GLMN: variants seen among roughly 807,000 people sequenced by gnomAD.
GLMN encodes glomulin, FKBP associated protein.
GLMN carries 75 observed loss-of-function variants against 87.8 expected under a neutral mutation model. The observed-to-expected ratio is 0.85, with a 90% CI of 0.71 to 1.04. The LOEUF is 1.04. Ranked by LOEUF, GLMN falls within the 50% of genes least tolerant of loss-of-function variation. GLMN has a pLI of 0.00. For missense variants in GLMN, 588 were observed against 658.8 expected, an observed-to-expected ratio of 0.89 and a Z score of 1.18; for synonymous variants, 206 against 221.6, an observed-to-expected ratio of 0.93 and a Z score of 0.63.
At chr1:92,258,466 C>T (rs1654551638) in intron 16 of GLMN, among the ~76,000 whole-genome samples, 1 of 152,156 alleles carries the variant, frequency 6.6e-6, no homozygotes, top group Non-Finnish European at 1.5e-5. Context: ...ATGTTTACTG[C>T]AGCACTATTC....
At chr1:92,302,527 A>G (rs1650923551), upstream of GLMN, among the ~76,000 whole-genome samples, 1 of 151,608 alleles carries the variant, frequency 6.6e-6, no homozygotes, top group Admixed American at 6.6e-5. Context: ...TCTTATTTCA[A>G]AAACCTGAAA....
chr1:92,361,077 C>CAT, the GLMN span, among the ~76,000 whole-genome samples: 1,065 of 142,552 alleles, frequency 7.5e-3, 6 homozygotes, highest in African/African-American at 0.014. Context: ...AAGCAAAAAG[C>CAT]ATATATATAT....
intron 7 of GLMN, among the ~76,000 whole-genome samples, chr1:92,276,774 C>T (rs756962699): frequency 2.0e-5 from 3 of 152,174 alleles, no homozygotes; most frequent in Non-Finnish European, 2.9e-5. Flanking sequence ...TAAAGACTTA[C>T]AGATGAATTA....
At chr1:92,297,741 T>C in intron 2 of GLMN, 1 of 630,954 alleles carries the variant, frequency 1.6e-6, no homozygotes, top group Non-Finnish European at 2.8e-6. Flanking sequence ...CAGTGAAATC[T>C]ATGAAAAGGA....
At chr1:92,322,004 G>A in the GLMN span, among the ~76,000 whole-genome samples, 1 of 144,398 alleles carries the variant, frequency 6.9e-6, no homozygotes, top group Admixed American at 6.9e-5. Flanking sequence ...AGAATGCAGT[G>A]GCGCGATCTC....
the GLMN span, among the ~76,000 whole-genome samples, chr1:92,335,626 A>T: frequency 1.3e-5 from 2 of 152,204 alleles, no homozygotes; most frequent in African/African-American, 4.8e-5. Context: ...GGTATTATAT[A>T]ATACATGTTT....
At chr1:92,348,580 A>G in the GLMN span, among the ~76,000 whole-genome samples, 1 of 151,982 alleles carries the variant, frequency 6.6e-6, no homozygotes, top group East Asian at 1.9e-4. Flanking sequence ...CTCCTGCCCC[A>G]TATTATTTTC....
chr1:92,268,270 AGAACTT>A, intron 9 of GLMN, 135 bp from the exon 10 acceptor site: 1 of 625,084 alleles, frequency 1.6e-6, no homozygotes, highest in Non-Finnish European at 2.9e-6. Flanking sequence ...ATTCTGTTGA[AGAACTT>A]GATCAAAAGT....
At chr1:92,269,259 T>C (rs573982053) in intron 9 of GLMN, among the ~76,000 whole-genome samples, 282 of 151,848 alleles carry the variant, frequency 1.9e-3, no homozygotes, top group African/African-American at 6.4e-3. Flanking sequence ...ATGAGAAAAG[T>C]TGTAATTGAA....
the GLMN span, among the ~76,000 whole-genome samples, chr1:92,339,460 A>C: frequency 2.0e-5 from 3 of 152,072 alleles, no homozygotes; most frequent in Non-Finnish European, 2.9e-5. Context: ...GTAGGGCATG[A>C]TGCAAAAAAT....
upstream of GLMN, chr1:92,300,276 T>A: frequency 6.6e-7 from 1 of 1,514,246 alleles, no homozygotes; most frequent in Non-Finnish European, 9.1e-7. Context: ...TTGGCATATC[T>A]ACTTATCTTG....
chr1:92,335,835 A>G, the GLMN span, among the ~76,000 whole-genome samples: 1 of 152,170 alleles, frequency 6.6e-6, no homozygotes, highest in Non-Finnish European at 1.5e-5. Context: ...TGCAACAAGC[A>G]TATTTTTTAT....
intron 14 of GLMN, 24 bp downstream of exon 14, chr1:92,264,530 T>C (rs1249945473): frequency 8.9e-7 from 1 of 1,117,436 alleles, no homozygotes; most frequent in Admixed American, 1.7e-5. Flanking sequence ...AAATTGGTAA[T>C]TGACACTTTG....
At chr1:92,360,532 G>A in the GLMN span, among the ~76,000 whole-genome samples, 8 of 152,138 alleles carry the variant, frequency 5.3e-5, no homozygotes, top group Non-Finnish European at 1.2e-4. Flanking sequence ...GGTAGCAGAG[G>A]GGAAGGAGAC....
At chr1:92,343,313 T>G in the GLMN span, among the ~76,000 whole-genome samples, 1 of 152,306 alleles carries the variant, frequency 6.6e-6, no homozygotes, top group South Asian at 2.1e-4. Flanking sequence ...CAGTTAATCC[T>G]CACAAGAACC....
chr1:92,286,453 A>G, intron 7 of GLMN, 37 bp downstream of exon 7: 1 of 966,192 alleles, frequency 1.0e-6, no homozygotes, highest in South Asian at 1.3e-5. Flanking sequence ...GTGGGATAAC[A>G]TTTAAGATTA....
the GLMN span, among the ~76,000 whole-genome samples, chr1:92,366,676 T>C: frequency 3.3e-5 from 5 of 152,218 alleles, no homozygotes; most frequent in African/African-American, 1.2e-4. Context: ...GTAATTACTT[T>C]CATGCTAAGG....
chr1:92,366,848 C>T, the GLMN span, among the ~76,000 whole-genome samples: 1 of 152,014 alleles, frequency 6.6e-6, no homozygotes, highest in Non-Finnish European at 1.5e-5. Context: ...CATTTTGACC[C>T]TTGGTGTTAC....
chr1:92,268,157 T>A (rs758535726), intron 9 of GLMN, 22 bp from the exon 10 acceptor site: 1 of 1,228,872 alleles, frequency 8.1e-7, no homozygotes, highest in African/African-American at 1.5e-5. Context: ...TATTAAAATT[T>A]ATCATGAATT....
Sources: gnomAD v4.1 joint callset for allele counts (sites outside exome capture counted in the v4.1 genomes callset) on GRCh38, gnomAD v4.1.1 for gene constraint, MANE v1.5 for transcripts, NCBI Gene and HGNC (gene_info 2026-07-23, HGNC 2026-07-21) for gene names.